Variants in SAMHD1 observed in about 807,000 individuals in gnomAD.
The protein encoded by SAMHD1 is SAM and HD domain containing deoxynucleoside triphosphate triphosphohydrolase 1, also known as deoxynucleoside triphosphate triphosphohydrolase SAMHD1.
Under a neutral mutation model 79.6 loss-of-function variants are expected in SAMHD1, and 54 were observed. The observed-to-expected ratio is 0.68, with a 90% CI of 0.55 to 0.85. The LOEUF is 0.85. Ranked by LOEUF, SAMHD1 falls within the 40% of genes least tolerant of loss-of-function variation. The pLI, the probability that SAMHD1 is intolerant of heterozygous loss-of-function variation, is 0.00. For missense variants in SAMHD1, 663 were observed against 782.7 expected, an observed-to-expected ratio of 0.85 and a Z score of 1.82; for synonymous variants, 260 against 264.1, an observed-to-expected ratio of 0.98 and a Z score of 0.15.
At chr20:36,942,419 A>AAAAAC (rs2146145966) in intron 2 of SAMHD1, among the ~76,000 whole-genome samples, 2 of 152,292 alleles carry the variant, frequency 1.3e-5, no homozygotes, top group South Asian at 4.1e-4. Context: ...ACTCCAACTC[A>AAAAAC]AAAACAAAAC....
rs1264718810 is a variant in SAMHD1 at position 36,891,694 on chromosome 20, CTT to C, written c.*1236_*1237del. On this transcript the variant is annotated 3_prime_UTR_variant, in exon 16 of 16. Transcript: ENST00000646673. ...CAGCACAGGCAGTGCAGTGTTTGTG[CTT>C]TTTTTTTTGGAGATGGAGTCTCACT... 1.3e-5 allele frequency: 2 copies of C among 148,658 alleles called. No homozygotes were observed. The highest frequency in any genetic ancestry group is 2.0e-4 in the East Asian group (1 of 5,116). The allele number at this position is 148,658 out of a possible 1,614,324, so 9.2% of individuals were successfully genotyped here. A position where few individuals can be genotyped will look rare whatever the true frequency, so the allele number is the denominator to read the frequency against.
At chr20:36,912,264 C>T in intron 10 of SAMHD1, 197 bp downstream of exon 10, 2 of 560,448 alleles carry the variant, frequency 3.6e-6, no homozygotes, top group Non-Finnish European at 3.2e-6. Flanking sequence ...CTCCATCTGC[C>T]CCTTTATCCA....
rs145884935 is a variant in SAMHD1, at chr20:36,927,168, G to A, written c.696+14C>T. The A allele has an allele frequency of 4.4e-5, 70 of 1,601,740 alleles. No individual in the cohort carries two copies. The highest frequency in any genetic ancestry group is 3.8e-4 in the Admixed American group (23 of 59,958). ...TCTTTCTTTTTATTGACTATTGACT[G>A]TATGAATACATACCGTCCATTTCAC... On this transcript the variant is annotated intron_variant, in intron 6 of 15. Coordinates refer to ENST00000646673, the MANE Select transcript of SAMHD1 (RefSeq NM_015474.4).
At chr20:36,916,156 G>A (rs1373628947) in intron 9 of SAMHD1, among the ~76,000 whole-genome samples, 7 of 150,260 alleles carry the variant, frequency 4.7e-5, no homozygotes, top group African/African-American at 1.5e-4. Flanking sequence ...GCGAGACTCC[G>A]TCTCAAAAAA....
rs576980469 is a variant in SAMHD1, at chr20:36,948,223, TA to T, written c.209-1420del. Among the ~76,000 whole-genome samples, 60 of 148,660 alleles carry T rather than the reference TA, an allele frequency of 4.0e-4. 1 individual carries two copies. In the South Asian group the frequency reaches 8.3e-3, roughly 21 times the overall value. ...GTACCTTGTGCTTGGCTTATCAAAT[TA>T]AAAAAAAAATGGACTTAGATAAAGA... On this transcript the variant is annotated intron_variant, in intron 1 of 15. Coordinates refer to ENST00000646673, the MANE Select transcript of SAMHD1 (RefSeq NM_015474.4).
chr20:36,946,733 C>T lies in SAMHD1; in HGVS notation c.275+5G>A. The T allele has an allele frequency of 6.2e-7, 1 of 1,607,774 alleles. No individual in the cohort carries two copies. Among genetic ancestry groups the T allele is most frequent in the South Asian group, 1.1e-5 (1 of 90,576 alleles). On this transcript the variant is annotated splice_donor_5th_base_variant and intron_variant, in intron 2 of 15. Coordinates refer to ENST00000646673, the MANE Select transcript of SAMHD1 (RefSeq NM_015474.4). The stretch of plus-strand genomic sequence containing the variant: ...TATAACGTGAATTTATTTCTTCATT[C>T]TTACCTTACTCCAAGATTTTCAAAA...
chr20:36,897,936 T>A lies in SAMHD1; in HGVS notation c.1632A>T (p.Lys544Asn). 1 of 1,614,244 alleles carries A rather than the reference T, an allele frequency of 6.2e-7. No homozygotes were observed. Among genetic ancestry groups the A allele is most frequent in the Non-Finnish European group, 8.5e-7 (1 of 1,180,042 alleles). The change falls in exon 15 of 16, where the codon AAA (lysine) becomes AAT (asparagine). Residue 544 changes from lysine (K) to asparagine (N), a missense_variant. Physicochemically the swap from Lys to Asn is moderately conservative, Grantham distance 94. Transcript: ENST00000646673. ...KNQVSQLLPE[K>N]FAEQLIRVYC... ...ATACTCGAATCAGCTGCTCTGCAAA[T>A]TTCTCTGGCAGAAGTTGTGAAACCT...
In SAMHD1 at chr20:36,951,674, A is replaced by G. The variant is rs142162198; in HGVS notation, c.-31T>C. On this transcript the variant is annotated 5_prime_UTR_variant, in exon 1 of 16. Transcript: ENST00000646673. ...CACCTGGCGTCCGGCACAGCAGTCA[A>G]GAACCTCGGCGCCGGACCCGCGCGC... is the stretch of plus-strand genomic sequence containing the variant. 3.5e-4 allele frequency: 561 copies of G among 1,611,312 alleles called. 3 individuals are homozygous for G. Among genetic ancestry groups the G allele is most frequent in the Middle Eastern group, 1.0e-3 (5 of 4,858 alleles).
intron 13 of SAMHD1, among the ~76,000 whole-genome samples, chr20:36,902,911 G>A (rs887582400): frequency 6.6e-6 from 1 of 151,842 alleles, no homozygotes; most frequent in African/African-American, 2.4e-5. Context: ...CTGATTTTTT[G>A]TATTTTTAGT....
chr20:36,913,999 C>G (rs2063460604), intron 9 of SAMHD1, among the ~76,000 whole-genome samples: 1 of 151,818 alleles, frequency 6.6e-6, no homozygotes, highest in Admixed American at 6.6e-5. Context: ...AGAGATTTGC[C>G]CACCTCAGCC....
At chr20:36,906,726 C>T (rs2063407220) in intron 11 of SAMHD1, among the ~76,000 whole-genome samples, 1 of 151,540 alleles carries the variant, frequency 6.6e-6, no homozygotes, top group Non-Finnish European at 1.5e-5. Flanking sequence ...AATAAAATAT[C>T]CTTCACTTAA....
At chr20:36,893,394 C>A in intron 15 of SAMHD1, 1 of 406,658 alleles carries the variant, frequency 2.5e-6, no homozygotes, top group South Asian at 2.7e-5. Flanking sequence ...AGGAGAAAGA[C>A]GGGATGCACT....
At chr20:36,946,160 T>G (rs771354112) in intron 2 of SAMHD1, among the ~76,000 whole-genome samples, 2 of 151,780 alleles carry the variant, frequency 1.3e-5, no homozygotes, top group Non-Finnish European at 2.9e-5. Flanking sequence ...GCGCGGTAAT[T>G]CCAGCACTCT....
intron 12 of SAMHD1, chr20:36,904,807 C>A: frequency 5.7e-6 from 1 of 175,450 alleles, no homozygotes; most frequent in Admixed American, 5.5e-5. Flanking sequence ...TAAAGTATAA[C>A]CCAAGAAATT....
chr20:36,942,653 C>CT (rs73622041), intron 2 of SAMHD1, among the ~76,000 whole-genome samples: 7 of 148,620 alleles, frequency 4.7e-5, no homozygotes, highest in South Asian at 2.1e-4. Context: ...TATCTAACTT[C>CT]TTTTTTTTTT....
At position 36,922,095 on chromosome 20, in the gene SAMHD1, T is replaced by C. The variant is rs188736372; in HGVS notation, c.697-2576A>G. Reference sequence around the variant, plus strand: ...AGGAACATTCCACAAAATAGCTCAGTTGCTCTTTAAAAAAATGACAAAGTC... The same window carrying C: ...AGGAACATTCCACAAAATAGCTCAGCTGCTCTTTAAAAAAATGACAAAGTC... On this transcript the variant is annotated intron_variant, in intron 6 of 15. Coordinates refer to ENST00000646673, the MANE Select transcript of SAMHD1 (RefSeq NM_015474.4). Among the ~76,000 whole-genome samples the C allele has an allele frequency of 3.8e-3, 584 of 152,236 alleles. 7 individuals carry two copies. The highest frequency in any genetic ancestry group is 0.014 in the African/African-American group (567 of 41,544).
At chr20:36,921,584 A>AT (rs543679778) in intron 6 of SAMHD1, among the ~76,000 whole-genome samples, 1 of 151,576 alleles carries the variant, frequency 6.6e-6, no homozygotes, top group Admixed American at 6.6e-5. Flanking sequence ...TGCATCACTG[A>AT]TTTTTTTGGA....
At chr20:36,894,171 A>ACTAC (rs1353930788) in intron 15 of SAMHD1, 2 of 387,050 alleles carry the variant, frequency 5.2e-6, no homozygotes, top group Admixed American at 4.5e-5. Context: ...CCCCATGTTA[A>ACTAC]ATTTTTTCTG....
chr20:36,892,854 A>G lies in SAMHD1; in HGVS notation c.*78T>C. ...AAAATTAAAGCATGAGTTGTCATTA[A>G]TTTGCAGAATTCTATGATTGAAGCC... On this transcript the variant is annotated 3_prime_UTR_variant, in exon 16 of 16. Transcript: ENST00000646673. The G allele has an allele frequency of 1.1e-5, 18 of 1,566,432 alleles. No homozygotes were observed. Among genetic ancestry groups the G allele is most frequent in the Non-Finnish European group, 1.6e-5 (18 of 1,136,486 alleles).
Sources: allele counts gnomAD v4.1 joint callset (sites outside exome capture counted in the v4.1 genomes callset), GRCh38; gene constraint gnomAD v4.1.1; transcripts MANE v1.5; gene names NCBI Gene and HGNC (gene_info 2026-07-23, HGNC 2026-07-21).